Variants in CLSTN2 observed in about 807,000 individuals in gnomAD.
CLSTN2 encodes the protein calsyntenin 2, also known as calsyntenin-2.
In CLSTN2, 48 loss-of-function variants were observed where a neutral mutation model predicts 101.2. That is an observed-to-expected ratio of 0.47 (90% CI 0.38 to 0.60). CLSTN2 has a LOEUF of 0.60. Ranked by LOEUF, CLSTN2 falls within the 20% of genes least tolerant of loss-of-function variation. CLSTN2 has a pLI of 0.00. For synonymous variants in CLSTN2, 481 were observed against 463.6 expected, an observed-to-expected ratio of 1.04 and a Z score of -0.48; for missense variants, 1,160 against 1,238.2, an observed-to-expected ratio of 0.94 and a Z score of 0.95.
intron 1 of CLSTN2, among the ~76,000 whole-genome samples, chr3:140,079,676 G>A (rs767923839): frequency 2.7e-5 from 4 of 150,826 alleles, no homozygotes; most frequent in South Asian, 2.1e-4. Flanking sequence ...GCTTGAACCC[G>A]GGAGGCAGAG....
intron 4 of CLSTN2, among the ~76,000 whole-genome samples, chr3:140,418,133 T>A (rs1197591612): frequency 1.3e-5 from 2 of 152,190 alleles, no homozygotes; most frequent in Non-Finnish European, 2.9e-5. Context: ...AAGTTAATTT[T>A]TTTTTTCAAA....
chr3:140,275,735 T>A (rs1395945061), intron 2 of CLSTN2, among the ~76,000 whole-genome samples: 1 of 152,146 alleles, frequency 6.6e-6, no homozygotes, highest in East Asian at 1.9e-4. Flanking sequence ...ACCACAGTGC[T>A]CAGGTCTCAC....
At chr3:140,537,624 A>G (rs1935385249) in intron 9 of CLSTN2, among the ~76,000 whole-genome samples, 1 of 152,216 alleles carries the variant, frequency 6.6e-6, no homozygotes, top group South Asian at 2.1e-4. Context: ...GAGCTCACCC[A>G]GTGCTGAGTC....
At chr3:140,085,253 A>T (rs1228847480) in intron 1 of CLSTN2, among the ~76,000 whole-genome samples, 3 of 152,238 alleles carry the variant, frequency 2.0e-5, no homozygotes, top group Non-Finnish European at 2.9e-5. Flanking sequence ...ACTGAAAGAA[A>T]GATGGTGGGC....
intron 2 of CLSTN2, among the ~76,000 whole-genome samples, chr3:140,234,868 T>C (rs901002602): frequency 5.3e-5 from 8 of 152,296 alleles, no homozygotes; most frequent in African/African-American, 1.7e-4. Flanking sequence ...ATTTTCTTGC[T>C]CCTCCTCTCT....
chr3:140,244,114 T>G (rs1277910181), intron 2 of CLSTN2, among the ~76,000 whole-genome samples: 2 of 152,168 alleles, frequency 1.3e-5, no homozygotes, highest in Admixed American at 1.3e-4. Context: ...GCATCTGAAT[T>G]CAGTTGTGGC....
At chr3:140,241,872 T>C (rs1376168557) in intron 2 of CLSTN2, among the ~76,000 whole-genome samples, 11 of 57,664 alleles carry the variant, frequency 1.9e-4, no homozygotes, top group East Asian at 9.5e-4. Context: ...TATATACACA[T>C]ATATATATAC....
At chr3:140,425,401 G>A (rs371302424) in intron 5 of CLSTN2, among the ~76,000 whole-genome samples, 2 of 152,208 alleles carry the variant, frequency 1.3e-5, no homozygotes, top group Non-Finnish European at 2.9e-5. Context: ...TTCTCTGAAT[G>A]CTGCTGGCCT....
chr3:140,217,926 C>A (rs2010940274), intron 2 of CLSTN2, among the ~76,000 whole-genome samples: 2 of 152,200 alleles, frequency 1.3e-5, no homozygotes, highest in Non-Finnish European at 2.9e-5. Context: ...AGCACATTAG[C>A]AATTCATGTG....
chr3:140,516,032 A>G (rs557143130), intron 8 of CLSTN2, among the ~76,000 whole-genome samples: 1 of 152,278 alleles, frequency 6.6e-6, no homozygotes, highest in Non-Finnish European at 1.5e-5. Context: ...AGGTGCATAT[A>G]TATTTATGAT....
chr3:140,513,266 T>A (rs1176306837), intron 8 of CLSTN2, among the ~76,000 whole-genome samples: 1 of 152,172 alleles, frequency 6.6e-6, no homozygotes. Flanking sequence ...GCTCTTAGTA[T>A]TTTTAGGTAT....
chr3:140,280,118 C>T (rs749925287), intron 2 of CLSTN2, among the ~76,000 whole-genome samples: 5 of 152,234 alleles, frequency 3.3e-5, no homozygotes, highest in Non-Finnish European at 7.3e-5. Flanking sequence ...CTGAAATATT[C>T]ATGCTCCCTC....
intron 12 of CLSTN2, 79 bp downstream of exon 12, chr3:140,558,936 G>A: frequency 8.8e-7 from 1 of 1,132,164 alleles, no homozygotes; most frequent in Non-Finnish European, 1.3e-6. Flanking sequence ...CAGAACAACA[G>A]CATTGTTCAT....
intron 10 of CLSTN2, among the ~76,000 whole-genome samples, chr3:140,548,008 G>A (rs1295785665): frequency 6.6e-6 from 1 of 152,184 alleles, no homozygotes; most frequent in African/African-American, 2.4e-5. Context: ...CTGCCCATGG[G>A]CAGCTCTGCC....
At chr3:140,060,664 T>A (rs1047771636) in intron 1 of CLSTN2, among the ~76,000 whole-genome samples, 4 of 152,124 alleles carry the variant, frequency 2.6e-5, no homozygotes, top group Admixed American at 2.6e-4. Context: ...GCCAGCCCTG[T>A]AATGTCTGGG....
chr3:140,309,431 T>C (rs1559835157), intron 2 of CLSTN2, among the ~76,000 whole-genome samples: 2 of 152,222 alleles, frequency 1.3e-5, no homozygotes, highest in East Asian at 3.9e-4. Flanking sequence ...GGCTGGACAC[T>C]GGGTGTCTGT....
intron 2 of CLSTN2, among the ~76,000 whole-genome samples, chr3:140,345,201 G>C (rs2087532472): frequency 6.6e-6 from 1 of 151,684 alleles, no homozygotes; most frequent in African/African-American, 2.4e-5. Context: ...AGTAGTTTTG[G>C]GGGATCCAAG....
At chr3:139,948,745 T>A (rs532349092) in intron 1 of CLSTN2, among the ~76,000 whole-genome samples, 117 of 152,286 alleles carry the variant, frequency 7.7e-4, no homozygotes, top group African/African-American at 2.8e-3. Flanking sequence ...TGGTGGATCT[T>A]CCAGATACAC....
At chr3:139,976,672 C>A (rs1014105557) in intron 1 of CLSTN2, among the ~76,000 whole-genome samples, 1 of 152,194 alleles carries the variant, frequency 6.6e-6, no homozygotes. Flanking sequence ...GAACAGTGCC[C>A]ACTGTCCTGG....
Sources: allele counts gnomAD v4.1 joint callset (sites outside exome capture counted in the v4.1 genomes callset), GRCh38; gene constraint gnomAD v4.1.1; transcripts MANE v1.5; gene names NCBI Gene and HGNC (gene_info 2026-07-23, HGNC 2026-07-21).